CTTNBP2: variants seen among roughly 807,000 people sequenced by gnomAD.
CTTNBP2 encodes cortactin binding protein 2.
CTTNBP2 carries 108 observed loss-of-function variants against 156.9 expected under a neutral mutation model. That is an observed-to-expected ratio of 0.69 (90% CI 0.59 to 0.81). The LOEUF is 0.81. CTTNBP2 is among the 30% of genes least tolerant of loss of function. CTTNBP2 has a pLI of 0.00. For missense variants in CTTNBP2, 1,924 were observed against 2,035.4 expected, an observed-to-expected ratio of 0.95 and a Z score of 1.05; for synonymous variants, 767 against 751.8, an observed-to-expected ratio of 1.02 and a Z score of -0.33.
In CTTNBP2 at chr7:117,715,475, T is replaced by TAAAAAAAAAAAAAAAAAA. The variant is rs398048025; in HGVS notation, c.4746+2525_4746+2542dup. 2.3e-4 allele frequency among the ~76,000 whole-genome samples: 27 copies of TAAAAAAAAAAAAAAAAAA among 116,376 alleles called. 1 individual carries two copies. The highest frequency in any genetic ancestry group is 1.0e-3 in the African/African-American group (26 of 25,344). The allele number at this position is 116,376 out of a possible 152,430, so 76.3% of individuals were successfully genotyped here. A position where few individuals can be genotyped will look rare whatever the true frequency, so the allele number is the denominator to read the frequency against. On this transcript the variant is annotated intron_variant, in intron 22 of 22. Coordinates refer to ENST00000160373, the MANE Select transcript of CTTNBP2 (RefSeq NM_033427.3). ...CAGACTAGAGTCCAGGCCCTGAAGT[T>TAAAAAAAAAAAAAAAAAA]AAAAAAAAAAAAAAAAAAGAAGCCT... is the stretch of plus-strand genomic sequence containing the variant.
At chr7:117,749,820 A>G (rs1796531812) in intron 12 of CTTNBP2, among the ~76,000 whole-genome samples, 2 of 152,162 alleles carry the variant, frequency 1.3e-5, no homozygotes, top group Admixed American at 1.3e-4. Context: ...TCTTAATGAT[A>G]GTAGAAGATG....
At chr7:117,829,448 C>G (rs1801477619) in intron 2 of CTTNBP2, among the ~76,000 whole-genome samples, 1 of 152,250 alleles carries the variant, frequency 6.6e-6, no homozygotes, top group Non-Finnish European at 1.5e-5. Context: ...TGGTCAGTCT[C>G]TCAGCCAGGG....
At chr7:117,847,801 A>AGATCTTC (rs964837405) in intron 2 of CTTNBP2, among the ~76,000 whole-genome samples, 5 of 135,232 alleles carry the variant, frequency 3.7e-5, no homozygotes, top group African/African-American at 1.4e-4. Context: ...AAATTTTTAT[A>AGATCTTC]GATCTTCTTT....
chr7:117,726,684 C>T (rs1345782595), intron 17 of CTTNBP2, among the ~76,000 whole-genome samples: 1 of 152,140 alleles, frequency 6.6e-6, no homozygotes, highest in Non-Finnish European at 1.5e-5. Context: ...GGCCAAGGGT[C>T]GACAGAGTTG....
intron 3 of CTTNBP2, among the ~76,000 whole-genome samples, chr7:117,804,485 T>A (rs1023795819): frequency 3.3e-5 from 5 of 152,156 alleles, no homozygotes; most frequent in African/African-American, 9.7e-5. Flanking sequence ...ATTTCATATA[T>A]GACTATTCAC....
intron 2 of CTTNBP2, among the ~76,000 whole-genome samples, chr7:117,825,573 T>C (rs1431888123): frequency 6.6e-6 from 1 of 152,186 alleles, no homozygotes; most frequent in African/African-American, 2.4e-5. Flanking sequence ...TCCTTTATTT[T>C]TCAGGATACA....
chr7:117,733,816 A>G (rs1210442648), intron 16 of CTTNBP2, among the ~76,000 whole-genome samples: 1 of 152,156 alleles, frequency 6.6e-6, no homozygotes, highest in African/African-American at 2.4e-5. Flanking sequence ...ATGCGTACAC[A>G]TACTCTAACA....
chr7:117,727,350 T>C (rs146602605), intron 17 of CTTNBP2, among the ~76,000 whole-genome samples: 1 of 152,196 alleles, frequency 6.6e-6, no homozygotes, highest in East Asian at 1.9e-4. Flanking sequence ...TACATGCCAC[T>C]ATGCCTGGCT....
At chr7:117,719,266 C>G (rs1198550147) in intron 21 of CTTNBP2, among the ~76,000 whole-genome samples, 1 of 152,168 alleles carries the variant, frequency 6.6e-6, no homozygotes, top group East Asian at 1.9e-4. Flanking sequence ...AATTAACATA[C>G]AATTTTAACT....
In CTTNBP2 at chr7:117,831,544, GGGTCCATCCAGAA is replaced by G. The variant is rs1256000070; in HGVS notation, c.190-20568_190-20556del. Among the ~76,000 whole-genome samples, 14 of 152,198 alleles carry G rather than the reference GGGTCCATCCAGAA, an allele frequency of 9.2e-5. 1 individual carries two copies. The highest frequency in any genetic ancestry group is 3.4e-4 in the African/African-American group (14 of 41,530). ...CATTATTTCTCAATACTGTGAGCTT[GGGTCCATCCAGAA>G]TCTGCCATCTGTGCTCTTTCTAAAG... On this transcript the variant is annotated intron_variant, in intron 2 of 22. Transcript: ENST00000160373.
At chr7:117,872,392 G>A (rs980003428) in intron 1 of CTTNBP2, among the ~76,000 whole-genome samples, 1 of 152,162 alleles carries the variant, frequency 6.6e-6, no homozygotes, top group African/African-American at 2.4e-5. Context: ...CTGGCCAAGA[G>A]TGGGAGGCGC....
At chr7:117,858,440 G>A (rs1287155538) in intron 2 of CTTNBP2, among the ~76,000 whole-genome samples, 1 of 152,216 alleles carries the variant, frequency 6.6e-6, no homozygotes, top group African/African-American at 2.4e-5. Flanking sequence ...AGGGCAGGCT[G>A]TGTGAAAATG....
chr7:117,778,423 T>C (rs1408522339), intron 7 of CTTNBP2, among the ~76,000 whole-genome samples: 1 of 152,228 alleles, frequency 6.6e-6, no homozygotes, highest in Non-Finnish European at 1.5e-5. Context: ...GAATATATTA[T>C]TTTGGAGCCT....
rs1309907284 is a variant in CTTNBP2, at chr7:117,792,923, T to G, written c.415-142A>C. ...AAAACGCCACATTTTCAAAAAGTGTTGTGATAAGAAATATTTTAAAGACAC... is the reference window on the plus strand; with the variant it reads ...AAAACGCCACATTTTCAAAAAGTGTGGTGATAAGAAATATTTTAAAGACAC... On this transcript the variant is annotated intron_variant, in intron 3 of 22. Transcript: ENST00000160373. The surrounding 1 kb of genome is among the most constrained non-coding windows in gnomAD (Gnocchi z 4.2). 1.8e-6 allele frequency: 1 copy of G among 542,134 alleles called. No individual in the cohort carries two copies. Among genetic ancestry groups the G allele is most frequent in the African/African-American group, 1.9e-5 (1 of 51,712 alleles). 33.6% of individuals were successfully genotyped at this position (542,134 alleles called of 1,614,324 possible).
intron 1 of CTTNBP2, among the ~76,000 whole-genome samples, 164 bp from the exon 2 acceptor site, chr7:117,861,480 G>A (rs1803749231): frequency 6.6e-6 from 1 of 152,170 alleles, no homozygotes; most frequent in Non-Finnish European, 1.5e-5. Context: ...CCTTCTAGGA[G>A]GAGAGGTAAA....
intron 2 of CTTNBP2, among the ~76,000 whole-genome samples, chr7:117,824,403 C>T (rs981036187): frequency 6.6e-5 from 10 of 152,066 alleles, no homozygotes; most frequent in East Asian, 1.9e-4. Context: ...TGCACATACA[C>T]GAATCTTCAT....
Position 117,724,700 on chromosome 7 carries a change from C to G in CTTNBP2, c.4294G>C (p.Gly1432Arg). 6.2e-7 allele frequency: 1 copy of G among 1,614,174 alleles called. No individual in the cohort carries two copies. The highest frequency in any genetic ancestry group is 8.5e-7 in the Non-Finnish European group (1 of 1,180,022). The change falls in exon 19 of 23, where the codon GGA (glycine) becomes CGA (arginine). Residue 1432 changes from glycine to arginine, a missense_variant. By Grantham distance (125) the Gly-to-Arg change is moderately radical (BLOSUM62 -2). Transcript: ENST00000160373. Reference sequence around the variant, plus strand: ...GAAACTATGGATAAAGGGAAACTTCCTCCTTTGAAATCAGCTGTATGCTGG... The same window carrying G: ...GAAACTATGGATAAAGGGAAACTTCGTCCTTTGAAATCAGCTGTATGCTGG... ...LDQHTADFKG[G>R]SFPLSIVSSY...
intron 16 of CTTNBP2, among the ~76,000 whole-genome samples, chr7:117,733,771 T>C (rs555119617): frequency 9.3e-4 from 142 of 152,212 alleles, no homozygotes; most frequent in Non-Finnish European, 1.6e-3. Flanking sequence ...CACCCCACAC[T>C]TCTCCCCGCC....
chr7:117,854,451 T>C (rs1803127036), intron 2 of CTTNBP2, among the ~76,000 whole-genome samples: 1 of 152,196 alleles, frequency 6.6e-6, no homozygotes, highest in Non-Finnish European at 1.5e-5. Context: ...TGCGGCTGCT[T>C]TTAAAACTAG....
Sources: allele counts gnomAD v4.1 joint callset (sites outside exome capture counted in the v4.1 genomes callset), GRCh38; gene constraint gnomAD v4.1.1; non-coding constraint Gnocchi (gnomAD v3.1); transcripts MANE v1.5; gene names NCBI Gene and HGNC (gene_info 2026-07-23, HGNC 2026-07-21).